Variants in LRP1B observed in about 807,000 individuals in gnomAD.
LRP1B encodes the protein low-density lipoprotein receptor-related protein 1B.
LRP1B carries 217 observed loss-of-function variants against 556.6 expected under a neutral mutation model. That is an observed-to-expected ratio of 0.39 (90% CI 0.35 to 0.44). LRP1B has a LOEUF of 0.44. LRP1B is among the 20% of genes least tolerant of loss of function. The probability of loss-of-function intolerance (pLI) is 1.00; values close to 1 mark genes in which losing one functional copy is unlikely to be tolerated. For synonymous variants in LRP1B, 2,047 were observed against 1,865.8 expected, an observed-to-expected ratio of 1.10 and a Z score of -2.50; for missense variants, 5,053 against 5,620.8, an observed-to-expected ratio of 0.90 and a Z score of 3.23.
chr2:141,136,584 G>A (rs965965645), intron 7 of LRP1B, among the ~76,000 whole-genome samples: 1 of 144,040 alleles, frequency 6.9e-6, no homozygotes, highest in Non-Finnish European at 1.5e-5. Context: ...TTTCTACTAT[G>A]TACCAGGCAA....
chr2:141,218,087 G>T (rs1362018763), intron 6 of LRP1B, among the ~76,000 whole-genome samples: 1 of 152,014 alleles, frequency 6.6e-6, no homozygotes, highest in Admixed American at 6.6e-5. Flanking sequence ...AACAGATGTT[G>T]GTGAGATTGA....
chr2:140,902,008 T>C (rs1694119484), intron 23 of LRP1B, among the ~76,000 whole-genome samples: 2 of 152,178 alleles, frequency 1.3e-5, no homozygotes, highest in African/African-American at 4.8e-5. Flanking sequence ...GCGGCAACTA[T>C]AATGTGATAT....
At chr2:141,166,195 T>C (rs1293102806) in intron 7 of LRP1B, among the ~76,000 whole-genome samples, 1 of 151,802 alleles carries the variant, frequency 6.6e-6, no homozygotes, top group Non-Finnish European at 1.5e-5. Context: ...TCTTCCAGCT[T>C]CTCAGATATG....
At position 141,914,970 on chromosome 2, in the gene LRP1B, T is replaced by C. The variant is rs139624769; in HGVS notation, c.83-104569A>G. ...AATATTATTTCTGTCAAACTACCAATATCATTTTTCATAGAATTAGATAAA... is the reference window on the plus strand; with the variant it reads ...AATATTATTTCTGTCAAACTACCAACATCATTTTTCATAGAATTAGATAAA... On this transcript the variant is annotated intron_variant, in intron 1 of 90. Transcript: ENST00000389484. Among the ~76,000 whole-genome samples, 533 of 152,298 alleles carry C rather than the reference T, an allele frequency of 3.5e-3. 11 individuals are homozygous for C. The East Asian group carries it at 0.037, about 11-fold the overall frequency.
intron 23 of LRP1B, among the ~76,000 whole-genome samples, chr2:140,901,155 A>G (rs1410349150): frequency 6.6e-6 from 1 of 151,962 alleles, no homozygotes; most frequent in Non-Finnish European, 1.5e-5. Flanking sequence ...CAGGTGGGGG[A>G]GGGCTCCAAG....
At chr2:140,614,305 C>A (rs931892234) in intron 41 of LRP1B, among the ~76,000 whole-genome samples, 1 of 152,020 alleles carries the variant, frequency 6.6e-6, no homozygotes, top group African/African-American at 2.4e-5. Context: ...AATGCTATAT[C>A]CTTCTCTTTA....
chr2:141,472,803 A>T (rs55755351), intron 3 of LRP1B, among the ~76,000 whole-genome samples: 66,671 of 151,764 alleles, frequency 0.44, 14,930 homozygotes, highest in Non-Finnish European at 0.49. Context: ...TAGGCAGTTT[A>T]CACCATTTGT....
At position 140,889,796 on chromosome 2, in the gene LRP1B, G is replaced by T. The variant is rs1055557098; in HGVS notation, c.3767-3461C>A. On this transcript the variant is annotated intron_variant, in intron 23 of 90. Transcript: ENST00000389484. ...GGTAGCTAGTGTTAGCAATGATTTG[G>T]AGACTGAGGCACTTTCATAAAGTGT... Among the ~76,000 whole-genome samples the T allele has an allele frequency of 5.9e-5, 9 of 152,180 alleles. No individual in the cohort carries two copies. In the East Asian group the frequency reaches 1.3e-3, roughly 23 times the overall value.
chr2:140,495,515 A>T (rs1247137331), intron 56 of LRP1B, 50 bp downstream of exon 56: 1 of 1,501,782 alleles, frequency 6.7e-7, no homozygotes, highest in Admixed American at 1.7e-5. Context: ...AAAATTCAGG[A>T]TCCATATGTA....
intron 3 of LRP1B, among the ~76,000 whole-genome samples, chr2:141,319,236 T>A (rs573342491): frequency 7.3e-4 from 111 of 151,832 alleles, no homozygotes; most frequent in Non-Finnish European, 1.4e-3. Context: ...TCCTAAAATA[T>A]CTTTACCCTT....
intron 1 of LRP1B, among the ~76,000 whole-genome samples, chr2:142,122,248 T>C (rs907898295): frequency 6.6e-6 from 1 of 152,112 alleles, no homozygotes; most frequent in Non-Finnish European, 1.5e-5. Context: ...CAAAATGTGC[T>C]AAGATGTTGG....
At chr2:140,286,637 G>T (rs755913479) in intron 84 of LRP1B, among the ~76,000 whole-genome samples, 15 of 151,818 alleles carry the variant, frequency 9.9e-5, no homozygotes, top group Non-Finnish European at 2.2e-4. Flanking sequence ...TTTCGTCAGT[G>T]TTCTGATCTA....
intron 67 of LRP1B, among the ~76,000 whole-genome samples, chr2:140,381,997 C>T (rs1310324885): frequency 6.6e-6 from 1 of 151,254 alleles, no homozygotes; most frequent in African/African-American, 2.4e-5. Flanking sequence ...TGGAAGTCAA[C>T]TTACACAAAA....
At chr2:140,520,349 G>T (rs137857355) in intron 49 of LRP1B, among the ~76,000 whole-genome samples, 1 of 151,970 alleles carries the variant, frequency 6.6e-6, no homozygotes. Flanking sequence ...GCAAACTATC[G>T]CAAGGACAGA....
intron 69 of LRP1B, 36 bp downstream of exon 69, chr2:140,372,972 T>C (rs771501155): frequency 1.2e-6 from 2 of 1,606,962 alleles, no homozygotes; most frequent in Non-Finnish European, 1.7e-6. Context: ...CAAGGTAAAA[T>C]GTTAACTAAA....
intron 3 of LRP1B, among the ~76,000 whole-genome samples, chr2:141,373,492 G>C (rs992483761): frequency 1.3e-5 from 2 of 152,006 alleles, no homozygotes; most frequent in African/African-American, 4.8e-5. Context: ...TTAAAGTCTA[G>C]TATTATTTGT....
intron 16 of LRP1B, among the ~76,000 whole-genome samples, chr2:140,991,092 T>A (rs1697079726): frequency 6.6e-6 from 1 of 152,132 alleles, no homozygotes; most frequent in Non-Finnish European, 1.5e-5. Context: ...TCTCTGGTAT[T>A]TGAGCATGAT....
rs1357626608 is a variant in LRP1B at position 142,080,251 on chromosome 2, A to G, written c.82+50397T>C. On this transcript the variant is annotated intron_variant, in intron 1 of 90. Transcript: ENST00000389484. Reference sequence around the variant, plus strand: ...ACTACAGTATTAAATCTGTCCTCTCATTTTTGGAAATAAAAGGTGCTATTA... The same window carrying G: ...ACTACAGTATTAAATCTGTCCTCTCGTTTTTGGAAATAAAAGGTGCTATTA... 1.3e-5 allele frequency among the ~76,000 whole-genome samples: 2 copies of G among 152,092 alleles called. 1 individual carries two copies. The highest frequency in any genetic ancestry group is 2.9e-5 in the Non-Finnish European group (2 of 68,012).
intron 1 of LRP1B, among the ~76,000 whole-genome samples, chr2:141,996,899 A>C (rs541692519): frequency 6.6e-6 from 1 of 152,120 alleles, no homozygotes; most frequent in Non-Finnish European, 1.5e-5. Flanking sequence ...TGCTATCTTG[A>C]CTCATAAATA....
Sources: allele counts gnomAD v4.1 joint callset (sites outside exome capture counted in the v4.1 genomes callset), GRCh38; gene constraint gnomAD v4.1.1; transcripts MANE v1.5; gene names NCBI Gene and HGNC (gene_info 2026-07-23, HGNC 2026-07-21).